CHRNA9: variants seen among roughly 807,000 people sequenced by gnomAD.
CHRNA9 encodes the protein neuronal acetylcholine receptor subunit alpha-9.
CHRNA9 carries 24 observed loss-of-function variants against 36.8 expected under a neutral mutation model. The ratio of observed to expected loss-of-function variants is 0.65; its 90% CI spans 0.47 to 0.92. The LOEUF is 0.92. Ranked by LOEUF, CHRNA9 falls within the 40% of genes least tolerant of loss-of-function variation. The pLI is 0.00. For synonymous variants in CHRNA9, 231 were observed against 231.8 expected (o/e 1.00, Z 0.03); for missense variants, 610 against 601.2 (o/e 1.01, Z -0.15).
chr4:40,350,425 A>G (rs1176630732), intron 4 of CHRNA9, among the ~76,000 whole-genome samples: 1 of 152,066 alleles, frequency 6.6e-6, no homozygotes, highest in Non-Finnish European at 1.5e-5. Context: ...TTCTGCCTCC[A>G]AGGATACCCT....
At chr4:40,353,008 A>G (rs1223806978) in intron 4 of CHRNA9, among the ~76,000 whole-genome samples, 1 of 152,192 alleles carries the variant, frequency 6.6e-6, no homozygotes, top group East Asian at 1.9e-4. Flanking sequence ...CATCTCAATT[A>G]CGCCTCCTCA....
chr4:40,353,954 G>A, intron 4 of CHRNA9, 25 bp from the exon 5 acceptor site: 1 of 1,561,014 alleles, frequency 6.4e-7, no homozygotes. Flanking sequence ...AGCAAATTCA[G>A]TTACGGTTGT....
At chr4:40,338,771 G>A (rs1273131282) in intron 3 of CHRNA9, among the ~76,000 whole-genome samples, 1 of 152,042 alleles carries the variant, frequency 6.6e-6, no homozygotes, top group Non-Finnish European at 1.5e-5. Context: ...GAATATAACA[G>A]GAAGATAACA....
chr4:40,354,499 G>C lies in CHRNA9; in HGVS notation c.1419G>C (p.Leu473Phe), dbSNP rs750519738. ...TTATGGTGTTTGTGATGACTATTTT[G>C]ATCATAGCAAGAGCGGATTAGTCAC... is the stretch of plus-strand genomic sequence containing the variant. ...FFIMVFVMTI[L>F]IIARAD is the part of the protein sequence containing the mutation. The change falls in exon 5 of 5, where the codon TTG (leucine) becomes TTC (phenylalanine). Residue 473 changes from leucine to phenylalanine, a missense_variant. Physicochemically the swap from Leu to Phe is conservative, Grantham distance 22 (BLOSUM62 0). Coordinates refer to ENST00000310169, the MANE Select transcript of CHRNA9 (RefSeq NM_017581.4). 6 of 1,612,486 alleles carry C rather than the reference G, an allele frequency of 3.7e-6. No homozygotes were observed. In the Admixed American group the frequency reaches 1.0e-4, roughly 27 times the overall value.
Position 40,354,320 on chromosome 4 carries a change from G to A in CHRNA9, c.1240G>A (p.Ala414Thr). ...CTGCCAGGGTAAGAACCCTCAGGAGGCCGAGAGTTACTGTGCACAGTACAA... is the reference window on the plus strand; with the variant it reads ...CTGCCAGGGTAAGAACCCTCAGGAGACCGAGAGTTACTGTGCACAGTACAA... The part of the protein sequence containing the change: ...LGCQGKNPQE[A>T]ESYCAQYKVL... Residue 414 changes from alanine to threonine, a missense_variant, in exon 5 of 5, where the codon GCC becomes ACC. Ala to Thr is a moderately conservative substitution (Grantham distance 58). Coordinates refer to ENST00000310169, the MANE Select transcript of CHRNA9 (RefSeq NM_017581.4). The A allele has an allele frequency of 6.2e-7, 1 of 1,614,148 alleles. No homozygotes were observed. Among genetic ancestry groups the A allele is most frequent in the Middle Eastern group, 1.6e-4 (1 of 6,062 alleles).
At chr4:40,353,426 G>A (rs1712858709) in intron 4 of CHRNA9, among the ~76,000 whole-genome samples, 1 of 151,928 alleles carries the variant, frequency 6.6e-6, no homozygotes, top group African/African-American at 2.4e-5. Flanking sequence ...GGGAGCCAGA[G>A]GTTGCAGTGA....
In CHRNA9 at chr4:40,349,166, A is replaced by G. The variant is rs1213813046; in HGVS notation, c.650A>G (p.Tyr217Cys). The G allele has an allele frequency of 1.9e-6, 3 of 1,614,066 alleles. No individual in the cohort carries two copies. The African/African-American group carries it at 4.0e-5, about 22-fold the overall frequency. The change falls in exon 4 of 5, where the codon TAT (tyrosine) becomes TGT (cysteine). Residue 217 changes from tyrosine to cysteine, a missense_variant. Transcript: ENST00000310169. Reference sequence around the variant, plus strand: ...CCCGCTGTGAAGAATGTGATCTCCTATGGCTGCTGCTCTGAGCCTTACCCG... The same window carrying G: ...CCCGCTGTGAAGAATGTGATCTCCTGTGGCTGCTGCTCTGAGCCTTACCCG... Reference protein sequence around the residue: ...GMPAVKNVISYGCCSEPYPDV... With the variant: ...GMPAVKNVISCGCCSEPYPDV...
At chr4:40,350,727 C>CACACACAA (rs3219981) in intron 4 of CHRNA9, among the ~76,000 whole-genome samples, 1 of 149,390 alleles carries the variant, frequency 6.7e-6, no homozygotes, top group Non-Finnish European at 1.5e-5. Flanking sequence ...CACACACACA[C>CACACACAA]CTCTCTTTTT....
At chr4:40,341,779 C>A (rs1478262778) in intron 3 of CHRNA9, among the ~76,000 whole-genome samples, 2 of 152,198 alleles carry the variant, frequency 1.3e-5, no homozygotes, top group Non-Finnish European at 2.9e-5. Flanking sequence ...TTGTCCAATT[C>A]TTTGTTCAAA....
intron 2 of CHRNA9, among the ~76,000 whole-genome samples, chr4:40,336,313 G>A (rs6828585): frequency 0.17 from 25,998 of 152,084 alleles, 2,849 homozygotes; most frequent in Non-Finnish European, 0.25. Context: ...GGGAGGACGG[G>A]GAAAACGGCC....
chr4:40,353,024 C>T (rs1387790212), intron 4 of CHRNA9, among the ~76,000 whole-genome samples: 1 of 152,120 alleles, frequency 6.6e-6, no homozygotes. Context: ...CCTCATATTC[C>T]TGCGAGTTAG....
At chr4:40,341,124 G>A (rs1712488942) in intron 3 of CHRNA9, among the ~76,000 whole-genome samples, 1 of 152,136 alleles carries the variant, frequency 6.6e-6, no homozygotes, top group African/African-American at 2.4e-5. Flanking sequence ...GGGGCTCAAA[G>A]TTCTGGCAGG....
chr4:40,345,578 G>T lies in CHRNA9; in HGVS notation c.366-3304G>T, dbSNP rs114867797. Among the ~76,000 whole-genome samples, 758 of 152,098 alleles carry T rather than the reference G, an allele frequency of 5.0e-3. 2 individuals are homozygous for T. Among genetic ancestry groups the T allele is most frequent in the African/African-American group, 0.017 (699 of 41,466 alleles). ...AATACAAAAATTAGTTGGGCGTGGT[G>T]GTGCGTGCCTATAATTCCAGCACCT... On this transcript the variant is annotated intron_variant, in intron 3 of 4. Transcript: ENST00000310169.
chr4:40,347,885 G>A (rs1712679105), intron 3 of CHRNA9: 1 of 152,210 alleles, frequency 6.6e-6, no homozygotes, highest in African/African-American at 2.4e-5. Flanking sequence ...AATGTTAACA[G>A]AAATGTACCA....
intron 4 of CHRNA9, among the ~76,000 whole-genome samples, chr4:40,350,421 C>T (rs1712767329): frequency 6.6e-6 from 1 of 152,098 alleles, no homozygotes; most frequent in South Asian, 2.1e-4. Context: ...TACTTTCTGC[C>T]TCCAAGGATA....
intron 3 of CHRNA9, among the ~76,000 whole-genome samples, chr4:40,343,643 G>C (rs148609882): frequency 6.6e-6 from 1 of 152,352 alleles, no homozygotes; most frequent in Admixed American, 6.5e-5. Context: ...GGGAAGGTAA[G>C]AGGAAAGCAA....
In CHRNA9 at chr4:40,354,227, A is replaced by G; in HGVS notation, c.1147A>G (p.Lys383Glu). Residue 383 changes from lysine (K) to glutamate (E), a missense_variant, in exon 5 of 5, where the codon AAA becomes GAA. Transcript: ENST00000310169. Reference protein sequence around the residue: ...VYSKLPESNLKAARNKDLSRK... With the variant: ...VYSKLPESNLEAARNKDLSRK... ...TAGCAAACTCCCAGAGTCTAACCTG[A>G]AAGCAGCCAGGAACAAAGACCTTTC... 1 of 1,614,242 alleles carries G rather than the reference A, an allele frequency of 6.2e-7. No homozygotes were observed. The highest frequency in any genetic ancestry group is 1.1e-5 in the South Asian group (1 of 91,088).
rs1712295975 is a variant in CHRNA9, at chr4:40,335,702, T to C, written c.65-125T>C. ...GCATGCCAGAAAAACAACTCATCCA[T>C]CCACCCAAAGCTTGTCCCTCGCCAG... On this transcript the variant is annotated intron_variant, in intron 1 of 4. Coordinates refer to ENST00000310169, the MANE Select transcript of CHRNA9 (RefSeq NM_017581.4). 5 of 1,077,040 alleles carry C rather than the reference T, an allele frequency of 4.6e-6. No individual in the cohort carries two copies. The African/African-American group carries it at 4.6e-5, about 10-fold the overall frequency. 66.7% of individuals were successfully genotyped at this position (1,077,040 alleles called of 1,614,324 possible). A position where few individuals can be genotyped will look rare whatever the true frequency, so the allele number is the denominator to read the frequency against.
At chr4:40,335,737 A>G (rs1448795588) in intron 1 of CHRNA9, 90 bp from the exon 2 acceptor site, 1 of 1,324,618 alleles carries the variant, frequency 7.5e-7, no homozygotes, top group East Asian at 2.3e-5. Flanking sequence ...GTGTTGGGCC[A>G]TCCCCCATTT....
Sources: allele counts gnomAD v4.1 joint callset (sites outside exome capture counted in the v4.1 genomes callset), GRCh38; gene constraint gnomAD v4.1.1; transcripts MANE v1.5; gene names NCBI Gene and HGNC (gene_info 2026-07-23, HGNC 2026-07-21).